Variants in EYS observed in about 807,000 individuals in gnomAD.
The protein encoded by EYS is EGF-like photoreceptor maintenance factor.
In EYS, 250 loss-of-function variants were observed where a neutral mutation model predicts 282.1. The observed-to-expected ratio is 0.89, with a 90% CI of 0.80 to 0.98. The LOEUF (loss-of-function observed/expected upper bound fraction) is 0.98. Ranked by LOEUF, EYS falls within the 50% of genes least tolerant of loss-of-function variation. EYS has a pLI of 0.00. For synonymous variants in EYS, 1,355 were observed against 1,282.9 expected (o/e 1.06, Z -1.20); for missense variants, 4,016 against 3,709.0 (o/e 1.08, Z -2.15).
chr6:65,274,426 T>A lies in EYS; in HGVS notation c.2023+21437A>T, dbSNP rs1767987256. 1.3e-5 allele frequency among the ~76,000 whole-genome samples: 2 copies of A among 152,210 alleles called. 1 individual carries two copies. Among genetic ancestry groups the A allele is most frequent in the South Asian group, 4.1e-4 (2 of 4,832 alleles). On this transcript the variant is annotated intron_variant, in intron 12 of 42. Transcript: ENST00000503581. ...AGGTGGTAATCCCAATTGCAGCTGC[T>A]GTACAAGATGTAGCTTTATTGCTTG... is the stretch of plus-strand genomic sequence containing the variant.
intron 30 of EYS, among the ~76,000 whole-genome samples, chr6:64,232,720 G>T (rs760779710): frequency 4.6e-5 from 7 of 152,042 alleles, no homozygotes; most frequent in Admixed American, 4.6e-4. Flanking sequence ...AAGAACAATA[G>T]CAGTGAAATA....
At chr6:64,107,301 A>ATG (rs1169498600) in intron 31 of EYS, among the ~76,000 whole-genome samples, 2 of 138,328 alleles carry the variant, frequency 1.4e-5, no homozygotes, top group African/African-American at 5.3e-5. Context: ...ATATATATAT[A>ATG]TATATATATA....
At chr6:64,993,580 G>A (rs531327115) in intron 14 of EYS, among the ~76,000 whole-genome samples, 58 of 107,356 alleles carry the variant, frequency 5.4e-4, no homozygotes, top group Admixed American at 2.2e-3. Context: ...CTCTTGTGGG[G>A]TGGGGGGAGG....
intron 22 of EYS, among the ~76,000 whole-genome samples, chr6:64,681,031 G>GA (rs1769876766): frequency 6.6e-6 from 1 of 152,154 alleles, no homozygotes; most frequent in African/African-American, 2.4e-5. Flanking sequence ...TTACTGGAGA[G>GA]AAATGGGGAA....
chr6:65,558,737 A>G (rs984339423), intron 2 of EYS, among the ~76,000 whole-genome samples: 1 of 152,340 alleles, frequency 6.6e-6, no homozygotes. Context: ...CTTGACCCCA[A>G]GATGCACTGT....
intron 29 of EYS, among the ~76,000 whole-genome samples, chr6:64,348,900 A>G (rs960979880): frequency 5.3e-5 from 8 of 151,340 alleles, no homozygotes; most frequent in African/African-American, 1.5e-4. Context: ...AGTTGTTTGA[A>G]TATTACAAGT....
Position 64,813,587 on chromosome 6 carries a change from G to C in EYS, c.3244-10C>G, listed in dbSNP as rs1764664057. On this transcript the variant is annotated splice_polypyrimidine_tract_variant and intron_variant, in intron 21 of 42. Transcript: ENST00000503581. ...GGATTGATGTGCAGTCCTAGATTAA[G>C]AAATAGAGAATCAAATTTGATTATT... The C allele has an allele frequency of 1.3e-6, 2 of 1,509,072 alleles. No homozygotes were observed. Among genetic ancestry groups the C allele is most frequent in the South Asian group, 2.5e-5 (2 of 78,756 alleles). The allele number at this position is 1,509,072 out of a possible 1,614,324, so 93.5% of individuals were successfully genotyped here.
At chr6:63,863,566 C>T (rs1208912454) in intron 36 of EYS, among the ~76,000 whole-genome samples, 1 of 151,832 alleles carries the variant, frequency 6.6e-6, no homozygotes, top group African/African-American at 2.4e-5. Context: ...CTCTCTTATA[C>T]CTAGCTAGAC....
chr6:63,789,855 C>A (rs1044868442), intron 37 of EYS, among the ~76,000 whole-genome samples: 1 of 152,082 alleles, frequency 6.6e-6, no homozygotes. Flanking sequence ...TAAAGACCCA[C>A]GGGACAAAGG....
chr6:64,894,183 T>G (rs1201323254), intron 18 of EYS, among the ~76,000 whole-genome samples: 1 of 152,090 alleles, frequency 6.6e-6, no homozygotes, highest in African/African-American at 2.4e-5. Flanking sequence ...TTTGTTTTGT[T>G]TTCTAATGTT....
At chr6:64,088,423 A>T (rs987816452) in intron 31 of EYS, among the ~76,000 whole-genome samples, 2 of 151,978 alleles carry the variant, frequency 1.3e-5, no homozygotes, top group Admixed American at 1.3e-4. Context: ...GTCTTAAAAG[A>T]TCATATAGAC....
At chr6:63,860,873 A>G (rs1205778795) in intron 36 of EYS, among the ~76,000 whole-genome samples, 3 of 152,094 alleles carry the variant, frequency 2.0e-5, no homozygotes, top group Admixed American at 2.0e-4. Context: ...GGCATTGTGG[A>G]AGGTTTCTCT....
At chr6:63,847,759 A>G (rs1457412513) in intron 36 of EYS, among the ~76,000 whole-genome samples, 1 of 152,224 alleles carries the variant, frequency 6.6e-6, no homozygotes, top group Non-Finnish European at 1.5e-5. Flanking sequence ...ATTCAAGTTT[A>G]GTTGATCTTA....
intron 18 of EYS, among the ~76,000 whole-genome samples, chr6:64,894,448 G>C (rs1194060490): frequency 6.6e-6 from 1 of 152,120 alleles, no homozygotes; most frequent in Non-Finnish European, 1.5e-5. Context: ...TTTTAGAAAT[G>C]AAATATATAA....
intron 2 of EYS, among the ~76,000 whole-genome samples, chr6:65,578,296 G>C (rs1215460479): frequency 6.6e-6 from 1 of 151,466 alleles, no homozygotes; most frequent in Non-Finnish European, 1.5e-5. Context: ...TGAACCTAGA[G>C]TACATTATGT....
In EYS at chr6:65,296,053, G is replaced by T. The variant is rs1768655499; in HGVS notation, c.1833C>A (p.Asn611Lys). ...AGAGGCCATGCACTGATATACTGTG[G>T]TTCCCTAAGCAATAGTCAACATTGA... is the stretch of plus-strand genomic sequence containing the variant. ...CVVNVDYCLG[N>K]HSISVHGLCL... Residue 611 changes from asparagine to lysine, a missense_variant, in exon 12 of 43, where the codon AAC becomes AAA. Coordinates refer to ENST00000503581, the MANE Select transcript of EYS (RefSeq NM_001142800.2). 1.3e-6 allele frequency: 2 copies of T among 1,550,658 alleles called. No individual in the cohort carries two copies. Among genetic ancestry groups the T allele is most frequent in the South Asian group, 2.4e-5 (2 of 83,992 alleles).
chr6:65,187,044 G>C (rs1430341986), intron 12 of EYS, among the ~76,000 whole-genome samples: 1 of 151,704 alleles, frequency 6.6e-6, no homozygotes, highest in Non-Finnish European at 1.5e-5. Flanking sequence ...GGCACTATTT[G>C]GGGTTGTATA....
At chr6:65,324,488 A>G (rs1769563859) in intron 11 of EYS, among the ~76,000 whole-genome samples, 1 of 152,168 alleles carries the variant, frequency 6.6e-6, no homozygotes, top group African/African-American at 2.4e-5. Context: ...CACCGGTGAT[A>G]TTGTAAACCT....
chr6:65,216,310 T>G (rs1384771890), intron 12 of EYS, among the ~76,000 whole-genome samples: 1 of 152,072 alleles, frequency 6.6e-6, no homozygotes, highest in Non-Finnish European at 1.5e-5. Context: ...CACGTCTATA[T>G]GACTAATGTT....
Sources: allele counts gnomAD v4.1 joint callset (sites outside exome capture counted in the v4.1 genomes callset), GRCh38; gene constraint gnomAD v4.1.1; transcripts MANE v1.5; gene names NCBI Gene and HGNC (gene_info 2026-07-23, HGNC 2026-07-21).